The following PDE8B variants were observed in gnomAD, a reference collection of about 807,000 sequenced individuals.
PDE8B encodes high affinity cAMP-specific and IBMX-insensitive 3',5'-cyclic phosphodiesterase 8B.
In PDE8B, 26 loss-of-function variants were observed where a neutral mutation model predicts 101.3. The observed-to-expected ratio is 0.26, with a 90% confidence interval of 0.19 to 0.36. The LOEUF is 0.36. Among genes scored for constraint, PDE8B ranks in the 10% least tolerant of loss-of-function variants. The pLI is 1.00. For synonymous variants in PDE8B, 424 were observed against 429.3 expected (o/e 0.99, Z 0.15); for missense variants, 810 against 1,163.1 (o/e 0.70, Z 4.42).
At chr5:77,120,223 C>A in the PDE8B span, among the ~76,000 whole-genome samples, 1 of 152,278 alleles carries the variant, frequency 6.6e-6, no homozygotes, top group South Asian at 2.1e-4. Context: ...CAGAACTAAT[C>A]TGCAATGAAG....
chr5:77,335,545 G>A (rs927409465), intron 5 of PDE8B, among the ~76,000 whole-genome samples: 1 of 125,110 alleles, frequency 8.0e-6, no homozygotes, highest in Non-Finnish European at 1.7e-5. Context: ...GTGTGTGTGT[G>A]TGTGTGTGTG....
chr5:77,268,082 A>G (rs114340382), intron 1 of PDE8B, among the ~76,000 whole-genome samples: 1,587 of 152,026 alleles, frequency 0.01, 27 homozygotes, highest in African/African-American at 0.036. Flanking sequence ...GTGACTTGGT[A>G]TCAGGAATGG....
chr5:77,339,744 TCTGCAAGGACAGTCTGTA>T (rs1162870791), intron 6 of PDE8B, among the ~76,000 whole-genome samples: 6 of 152,288 alleles, frequency 3.9e-5, no homozygotes, highest in African/African-American at 1.4e-4. Flanking sequence ...TTACTGTCAT[TCTGCAAGGACAGTCTGTA>T]CTGCAGGATG....
chr5:77,232,635 C>T (rs1406120878), intron 1 of PDE8B, among the ~76,000 whole-genome samples: 4 of 152,272 alleles, frequency 2.6e-5, no homozygotes, highest in Non-Finnish European at 4.4e-5. Flanking sequence ...TTGTGCTAAC[C>T]GAGTGACCTG....
At chr5:77,393,058 C>T (rs889091227) in intron 10 of PDE8B, among the ~76,000 whole-genome samples, 11 of 152,104 alleles carry the variant, frequency 7.2e-5, no homozygotes, top group African/African-American at 1.4e-4. Flanking sequence ...GGAAGTAATT[C>T]AGGTTTAGCC....
In PDE8B at chr5:77,339,287, T is replaced by G. The variant is rs539129448; in HGVS notation, c.797+1972T>G. Among the ~76,000 whole-genome samples the G allele has an allele frequency of 2.5e-4, 38 of 152,256 alleles. No individual in the cohort carries two copies. The South Asian group carries it at 7.9e-3, about 32-fold the overall frequency. On this transcript the variant is annotated intron_variant, in intron 6 of 21. Coordinates refer to ENST00000264917, the MANE Select transcript of PDE8B (RefSeq NM_003719.5). ...AAAAGGCTCAAGTTCTTACTACAAA[T>G]CAGTGTCAAATTGGATAATGGACTT...
chr5:77,144,328 G>A, the PDE8B span: 2 of 152,028 alleles, frequency 1.3e-5, no homozygotes, highest in Non-Finnish European at 2.9e-5. Context: ...GTGTTGGCCT[G>A]AAGAAGATAA....
chr5:77,350,877 G>A (rs1780979206), intron 8 of PDE8B, among the ~76,000 whole-genome samples, 188 bp from the exon 9 acceptor site: 1 of 152,246 alleles, frequency 6.6e-6, no homozygotes, highest in South Asian at 2.1e-4. Flanking sequence ...TGGTGGATAT[G>A]TGGATCTGTG....
chr5:77,347,893 A>G (rs1401883495), intron 7 of PDE8B, among the ~76,000 whole-genome samples: 1 of 152,154 alleles, frequency 6.6e-6, no homozygotes, highest in African/African-American at 2.4e-5. Flanking sequence ...CCCGGGAGGT[A>G]TGAGGCTGGC....
intron 10 of PDE8B, among the ~76,000 whole-genome samples, chr5:77,389,335 C>T (rs1049367191): frequency 1.3e-5 from 2 of 152,172 alleles, no homozygotes; most frequent in African/African-American, 2.4e-5. Flanking sequence ...AATTCTCCGA[C>T]CACTTGTGTT....
At chr5:77,160,683 G>A in the PDE8B span, among the ~76,000 whole-genome samples, 1 of 152,062 alleles carries the variant, frequency 6.6e-6, no homozygotes, top group Admixed American at 6.6e-5. Context: ...ACAGTGTCTT[G>A]CTCTGTTGCC....
chr5:77,348,178 C>G (rs1780486503), intron 7 of PDE8B, among the ~76,000 whole-genome samples: 1 of 152,198 alleles, frequency 6.6e-6, no homozygotes, highest in Admixed American at 6.5e-5. Context: ...CTGCTGCCAT[C>G]ACAGTTGAGG....
the PDE8B span, among the ~76,000 whole-genome samples, chr5:77,153,572 C>CTT: frequency 7.5e-4 from 99 of 131,462 alleles, 1 homozygote; most frequent in African/African-American, 1.0e-3. Context: ...CAGCTTTACT[C>CTT]TTTTTTTTTT....
chr5:77,292,596 T>A (rs577264208), intron 1 of PDE8B, among the ~76,000 whole-genome samples: 50 of 152,220 alleles, frequency 3.3e-4, no homozygotes, highest in Non-Finnish European at 6.0e-4. Flanking sequence ...TCTGGTTATT[T>A]TGATTTGCAT....
chr5:77,299,583 C>T (rs1769440589), intron 1 of PDE8B, among the ~76,000 whole-genome samples: 1 of 151,922 alleles, frequency 6.6e-6, no homozygotes, highest in African/African-American at 2.4e-5. Flanking sequence ...TCATCCATGT[C>T]CCTACAAAGG....
chr5:77,148,803 A>T, the PDE8B span, among the ~76,000 whole-genome samples: 1 of 152,084 alleles, frequency 6.6e-6, no homozygotes. Flanking sequence ...GGATTTTTGA[A>T]TATTTTCTCA....
chr5:77,349,668 T>A, intron 8 of PDE8B, 109 bp downstream of exon 8: 1 of 1,230,194 alleles, frequency 8.1e-7, no homozygotes, highest in Non-Finnish European at 1.2e-6. Flanking sequence ...ATGTCATAAT[T>A]AAGTGAAAGA....
intron 6 of PDE8B, among the ~76,000 whole-genome samples, chr5:77,344,154 A>G (rs1779733546): frequency 6.6e-6 from 1 of 152,250 alleles, no homozygotes; most frequent in African/African-American, 2.4e-5. Flanking sequence ...ACAATGATAA[A>G]TAGTATAGCA....
intron 2 of PDE8B, among the ~76,000 whole-genome samples, chr5:77,319,576 A>T (rs1280241401): frequency 6.6e-6 from 1 of 152,240 alleles, no homozygotes; most frequent in Non-Finnish European, 1.5e-5. Context: ...CTTAGAGGAG[A>T]AATAGTTGAC....
Sources: allele counts gnomAD v4.1 joint callset (sites outside exome capture counted in the v4.1 genomes callset), GRCh38; gene constraint gnomAD v4.1.1; transcripts MANE v1.5; gene names NCBI Gene and HGNC (gene_info 2026-07-23, HGNC 2026-07-21).